Variants in GHR observed in about 807,000 individuals in gnomAD.
GHR encodes the protein growth hormone receptor.
In GHR, 35 loss-of-function variants were observed where a neutral mutation model predicts 67.1. The observed-to-expected ratio is 0.52, with a 90% CI of 0.40 to 0.69. GHR has a LOEUF of 0.69. Among genes scored for constraint, GHR ranks in the 30% least tolerant of loss-of-function variants. The pLI is 0.00. For missense variants in GHR, 792 were observed against 764.6 expected (o/e 1.04, Z -0.42); for synonymous variants, 272 against 269.1 (o/e 1.01, Z -0.10).
intron 1 of GHR, among the ~76,000 whole-genome samples, chr5:42,427,610 A>G (rs756960748): frequency 4.6e-5 from 7 of 152,012 alleles, no homozygotes; most frequent in Non-Finnish European, 8.8e-5. Flanking sequence ...TTCAAAACCA[A>G]TCATACCTTC....
At chr5:42,443,178 G>A (rs1743655405) in intron 1 of GHR, among the ~76,000 whole-genome samples, 1 of 152,188 alleles carries the variant, frequency 6.6e-6, no homozygotes. Context: ...CTTGGACTTG[G>A]TGGCTATATC....
intron 3 of GHR, among the ~76,000 whole-genome samples, chr5:42,650,179 A>G (rs951886742): frequency 8.5e-5 from 13 of 152,216 alleles, no homozygotes; most frequent in East Asian, 7.7e-4. Context: ...TCTTGTCTCC[A>G]TTTTCCTTAG....
At chr5:42,467,230 G>T in intron 1 of GHR, 1 of 1,457,836 alleles carries the variant, frequency 6.9e-7, no homozygotes, top group Non-Finnish European at 9.6e-7. Context: ...AGGTTTCTCT[G>T]CAGTGTGAAT....
At chr5:42,533,318 T>A (rs1462732241) in intron 1 of GHR, among the ~76,000 whole-genome samples, 4 of 152,088 alleles carry the variant, frequency 2.6e-5, no homozygotes, top group Middle Eastern at 3.2e-3. Flanking sequence ...TCCTAATATG[T>A]GTCATAATAT....
At position 42,579,149 on chromosome 5, in the gene GHR, GATAT is replaced by G. The variant is rs1214222508; in HGVS notation, c.70+13207_70+13210del. On this transcript the variant is annotated intron_variant, in intron 2 of 9. Transcript: ENST00000230882. Reference sequence around the variant, plus strand: ...TAGATAGATAGATAGATGATAGATAGATATAGATAGATAGATAGATAGATAGATA... The same window carrying G: ...TAGATAGATAGATAGATGATAGATAGAGATAGATAGATAGATAGATAGATA... 1.7e-3 allele frequency among the ~76,000 whole-genome samples: 97 copies of G among 55,946 alleles called. 1 individual carries two copies. Among genetic ancestry groups the G allele is most frequent in the African/African-American group, 7.6e-3 (87 of 11,484 alleles). The allele number at this position is 55,946 out of a possible 152,430, so 36.7% of individuals were successfully genotyped here.
In GHR at chr5:42,677,520, C is replaced by T. The variant is rs77361818; in HGVS notation, c.137-11370C>T. On this transcript the variant is annotated intron_variant, in intron 3 of 9. Coordinates refer to ENST00000230882, the MANE Select transcript of GHR (RefSeq NM_000163.5). ...ATCTCCTAGTTATCTAGAACTCAGG[C>T]TTTGATAGCTGTGACTGTCTAGAAT... 2.0e-3 allele frequency among the ~76,000 whole-genome samples: 297 copies of T among 152,230 alleles called. 1 individual carries two copies. Among genetic ancestry groups the T allele is most frequent in the Middle Eastern group, 0.014 (4 of 294 alleles).
intron 1 of GHR, chr5:42,468,189 G>T: frequency 1.4e-6 from 2 of 1,410,162 alleles, no homozygotes; most frequent in Non-Finnish European, 2.0e-6. Context: ...CTGGGGCCCA[G>T]ACTTTGATGT....
intron 7 of GHR, among the ~76,000 whole-genome samples, chr5:42,713,218 T>A (rs911138810): frequency 6.6e-6 from 1 of 152,150 alleles, no homozygotes; most frequent in African/African-American, 2.4e-5. Context: ...AGTTTTTTTT[T>A]AATGTGAGGA....
rs537686795 is a variant in GHR, at chr5:42,701,114, T to C, written c.618+1112T>C. On this transcript the variant is annotated intron_variant, in intron 6 of 9. Coordinates refer to ENST00000230882, the MANE Select transcript of GHR (RefSeq NM_000163.5). The stretch of plus-strand genomic sequence containing the variant: ...ACCCTTGAGGGTCCCTGAGACCCTT[T>C]CAGGGAGTTCAGTACTATTTTCACA... 2.0e-5 allele frequency among the ~76,000 whole-genome samples: 3 copies of C among 152,296 alleles called. No homozygotes were observed. The South Asian group carries it at 6.2e-4, about 32-fold the overall frequency.
chr5:42,654,928 T>C (rs770997998), intron 3 of GHR, among the ~76,000 whole-genome samples: 2 of 152,082 alleles, frequency 1.3e-5, no homozygotes, highest in Non-Finnish European at 2.9e-5. Flanking sequence ...CGAGCCAACA[T>C]GTAAGTAAAT....
At chr5:42,520,115 G>A (rs1747411692) in intron 1 of GHR, among the ~76,000 whole-genome samples, 1 of 152,158 alleles carries the variant, frequency 6.6e-6, no homozygotes, top group Non-Finnish European at 1.5e-5. Flanking sequence ...GTCCAATATA[G>A]CTAAAGGCAA....
At chr5:42,708,394 G>A (rs957420289) in intron 6 of GHR, among the ~76,000 whole-genome samples, 1 of 152,104 alleles carries the variant, frequency 6.6e-6, no homozygotes, top group Non-Finnish European at 1.5e-5. Flanking sequence ...ATGTAAAACA[G>A]TATCACTCTT....
At chr5:42,522,318 C>T (rs1249538752) in intron 1 of GHR, among the ~76,000 whole-genome samples, 1 of 151,996 alleles carries the variant, frequency 6.6e-6, no homozygotes, top group Non-Finnish European at 1.5e-5. Flanking sequence ...TAGTATGTAC[C>T]AGAAGAAATG....
At position 42,576,068 on chromosome 5, in the gene GHR, A is replaced by G. The variant is rs1304626798; in HGVS notation, c.70+10124A>G. On this transcript the variant is annotated intron_variant, in intron 2 of 9. Transcript: ENST00000230882. ...AAATAATAAAATAAAATAAAATAAA[A>G]TAAAATAAAATAAAATAAAATAAAA... Among the ~76,000 whole-genome samples, 29 of 89,536 alleles carry G rather than the reference A, an allele frequency of 3.2e-4. 1 individual carries two copies. Among genetic ancestry groups the G allele is most frequent in the Non-Finnish European group, 4.8e-4 (23 of 47,772 alleles). 58.7% of individuals were successfully genotyped at this position (89,536 alleles called of 152,430 possible). A position where few individuals can be genotyped will look rare whatever the true frequency, so the allele number is the denominator to read the frequency against.
chr5:42,647,749 C>G (rs150542545), intron 3 of GHR: 188 of 425,904 alleles, frequency 4.4e-4, no homozygotes, highest in African/African-American at 3.4e-3. Context: ...AAAAATTAAC[C>G]CTGTAGCTTG....
rs1339617493 is a variant in GHR at position 42,605,621 on chromosome 5, C to T, written c.71-23417C>T. Among the ~76,000 whole-genome samples, 2 of 152,206 alleles carry T rather than the reference C, an allele frequency of 1.3e-5. 1 individual carries two copies. Among genetic ancestry groups the T allele is most frequent in the Non-Finnish European group, 2.9e-5 (2 of 68,040 alleles). Reference sequence around the variant, plus strand: ...TGGACTTTATACCCCACTCACTCTGCAGTCCAGATAGAGGATCTGTGCCAA... The same window carrying T: ...TGGACTTTATACCCCACTCACTCTGTAGTCCAGATAGAGGATCTGTGCCAA... On this transcript the variant is annotated intron_variant, in intron 2 of 9. Transcript: ENST00000230882.
At chr5:42,588,360 A>G (rs777053550) in intron 2 of GHR, among the ~76,000 whole-genome samples, 1 of 151,966 alleles carries the variant, frequency 6.6e-6, no homozygotes, top group Non-Finnish European at 1.5e-5. Context: ...TCTACTAAAA[A>G]TACAAAAAAA....
At chr5:42,710,628 GC>G (rs1448968658) in intron 6 of GHR, among the ~76,000 whole-genome samples, 1 of 151,984 alleles carries the variant, frequency 6.6e-6, no homozygotes, top group Non-Finnish European at 1.5e-5. Context: ...GTGGCTTTAA[GC>G]CTTCCAGAGC....
chr5:42,574,148 C>T (rs956582485), intron 2 of GHR, among the ~76,000 whole-genome samples: 7 of 152,204 alleles, frequency 4.6e-5, no homozygotes, highest in African/African-American at 1.4e-4. Flanking sequence ...GCCATGCTTT[C>T]CTTAATAATA....
Sources: gnomAD v4.1 joint callset for allele counts (sites outside exome capture counted in the v4.1 genomes callset) on GRCh38, gnomAD v4.1.1 for gene constraint, MANE v1.5 for transcripts, NCBI Gene and HGNC (gene_info 2026-07-23, HGNC 2026-07-21) for gene names.